Variants in NT5E observed in about 807,000 individuals in gnomAD.
NT5E encodes 5'-nucleotidase ecto, also known as 5'-nucleotidase.
In NT5E, 53 loss-of-function variants were observed where a neutral mutation model predicts 55.1. That is an observed-to-expected ratio of 0.96 (90% confidence interval 0.77 to 1.21). The LOEUF (loss-of-function observed/expected upper bound fraction) is 1.21, where lower values mean the gene tolerates loss of function less well. Ranked by LOEUF, NT5E falls within the 50% of genes most tolerant of loss-of-function variation. The pLI is 0.00. For synonymous variants in NT5E, 270 were observed against 278.4 expected (o/e 0.97, Z 0.30); for missense variants, 683 against 724.3 (o/e 0.94, Z 0.65).
intron 3 of NT5E, among the ~76,000 whole-genome samples, chr6:85,485,030 G>C (rs1769620787): frequency 6.6e-6 from 1 of 152,220 alleles, no homozygotes; most frequent in South Asian, 2.1e-4. Context: ...TGACTGCTGA[G>C]TTGAGAATGG....
At chr6:85,490,407 T>TGTCCCCCTCATTTC in intron 6 of NT5E, 101 bp from the exon 7 acceptor site, 1 of 1,332,020 alleles carries the variant, frequency 7.5e-7, no homozygotes, top group Non-Finnish European at 1.1e-6. Flanking sequence ...AAGCTTCCCA[T>TGTCCCCCTCATTTC]GTCCCCCTCA....
intron 3 of NT5E, among the ~76,000 whole-genome samples, chr6:85,479,901 G>C (rs1769510964): frequency 6.6e-6 from 1 of 152,106 alleles, no homozygotes; most frequent in Non-Finnish European, 1.5e-5. Context: ...AAGTGAATAG[G>C]AATCCTAGTA....
chr6:85,479,643 A>T (rs1769501898), intron 3 of NT5E, among the ~76,000 whole-genome samples: 1 of 152,202 alleles, frequency 6.6e-6, no homozygotes. Context: ...ATATCAATGT[A>T]TGGTCACAGT....
At chr6:85,453,628 T>C (rs1768933950) in intron 1 of NT5E, among the ~76,000 whole-genome samples, 1 of 152,110 alleles carries the variant, frequency 6.6e-6, no homozygotes, top group Admixed American at 6.5e-5. Context: ...TTTGAGCAGG[T>C]CTCTAGGGTC....
intron 5 of NT5E, among the ~76,000 whole-genome samples, chr6:85,488,505 A>C (rs1026204490): frequency 6.6e-6 from 1 of 152,218 alleles, no homozygotes; most frequent in Non-Finnish European, 1.5e-5. Flanking sequence ...GGCTGTTGGC[A>C]GTGCTTATCC....
At chr6:85,487,220 TA>T in intron 4 of NT5E, 114 bp from the exon 5 acceptor site, 1 of 1,022,816 alleles carries the variant, frequency 9.8e-7, no homozygotes. Flanking sequence ...TGCACACAAA[TA>T]TGGTAAACAA....
Position 85,492,141 on chromosome 6 carries a change from C to T in NT5E, c.1525C>T (p.Gln509Ter). Residue 509 changes from glutamine (Q) to a stop codon, truncating the protein, a stop_gained, in exon 8 of 9, where the codon CAG (glutamine) becomes TAG (stop). Coordinates refer to ENST00000257770, the MANE Select transcript of NT5E (RefSeq NM_002526.4). LOFTEE classifies it high-confidence loss of function. ...CCTGGCCAATGGTGGAGATGGGTTC[C>T]AGATGATAAAAGATGAATTATTAAG... ...NFLANGGDGF[Q>*]MIKDELLRHD... is the part of the protein sequence containing the mutation. 6.2e-7 allele frequency: 1 copy of T among 1,614,082 alleles called. No homozygotes were observed. The highest frequency in any genetic ancestry group is 8.5e-7 in the Non-Finnish European group (1 of 1,179,990).
chr6:85,450,401 C>A lies in NT5E; in HGVS notation c.262C>A (p.Gln88Lys). The change falls in exon 1 of 9, where the codon CAG (glutamine) becomes AAG (lysine). Residue 88 changes from glutamine to lysine, a missense_variant. Transcript: ENST00000257770. The surrounding 1 kb of genome is among the most constrained non-coding windows in gnomAD (Gnocchi z 4.0). ...VLLLDAGDQY[Q>K]GTIWFTVYKG... ...GCTGCTGGACGCCGGCGACCAGTAC[C>A]AGGGCACTATCTGGTTCACCGTGTA... 1 of 1,602,540 alleles carries A rather than the reference C, an allele frequency of 6.2e-7. No individual in the cohort carries two copies. The highest frequency in any genetic ancestry group is 1.7e-5 in the Admixed American group (1 of 58,246).
chr6:85,483,471 T>C (rs1054247809), intron 3 of NT5E, among the ~76,000 whole-genome samples: 3 of 152,252 alleles, frequency 2.0e-5, no homozygotes, highest in African/African-American at 7.2e-5. Context: ...TATCTGCCAC[T>C]GTCACAGACA....
At chr6:85,463,600 C>G (rs575368230) in intron 1 of NT5E, among the ~76,000 whole-genome samples, 1 of 152,106 alleles carries the variant, frequency 6.6e-6, no homozygotes, top group African/African-American at 2.4e-5. Context: ...TGTTATGATC[C>G]CCTGTATTTC....
At chr6:85,452,461 T>G (rs1489691482) in intron 1 of NT5E, among the ~76,000 whole-genome samples, 1 of 152,230 alleles carries the variant, frequency 6.6e-6, no homozygotes, top group Non-Finnish European at 1.5e-5. Context: ...CTATCTCTTC[T>G]GTGTTTGTTC....
rs1012760517 is a variant in NT5E, at chr6:85,492,312, G to GCAGCA, written c.1561+146_1561+150dup. ...CTCCTGCTTTGCTTGTTGGAAAGCA[G>GCAGCA]CAGCACAGCACAGCAGAGAGGAATA... is the stretch of plus-strand genomic sequence containing the variant. On this transcript the variant is annotated intron_variant, in intron 8 of 8. Transcript: ENST00000257770. 70 of 743,116 alleles carry GCAGCA rather than the reference G, an allele frequency of 9.4e-5. No homozygotes were observed. The African/African-American group carries it at 1.1e-3, about 11-fold the overall frequency. 46.0% of individuals were successfully genotyped at this position (743,116 alleles called of 1,614,324 possible).
chr6:85,489,577 G>T lies in NT5E; in HGVS notation c.1188G>T (p.Ser396=). 3 of 1,613,384 alleles carry T rather than the reference G, an allele frequency of 1.9e-6. No homozygotes were observed. The highest frequency in any genetic ancestry group is 2.5e-6 in the Non-Finnish European group (3 of 1,179,518). ...TTTTAAATGGAGGTGGTATCCGGTC[G>T]CCCATTGATGAACGCAACAATGGTA... is the stretch of plus-strand genomic sequence containing the variant. ...MCILNGGGIR[S]PIDERNNGTI... The change falls in exon 6 of 9, where the codon TCG becomes TCT. Residue 396 remains serine (S), a synonymous_variant. Coordinates refer to ENST00000257770, the MANE Select transcript of NT5E (RefSeq NM_002526.4).
At chr6:85,457,630 C>T (rs750020848) in intron 1 of NT5E, among the ~76,000 whole-genome samples, 6 of 152,076 alleles carry the variant, frequency 3.9e-5, no homozygotes, top group Non-Finnish European at 5.9e-5. Context: ...AGGATGCTCG[C>T]GGGATGTTAC....
chr6:85,485,169 G>A (rs911806775), intron 3 of NT5E, 66 bp from the exon 4 acceptor site: 125 of 1,495,408 alleles, frequency 8.4e-5, no homozygotes, highest in African/African-American at 6.9e-4. Context: ...CCAGTAGCCC[G>A]CTGGCCTACA....
At chr6:85,479,773 T>C (rs1425092543) in intron 3 of NT5E, among the ~76,000 whole-genome samples, 1 of 152,214 alleles carries the variant, frequency 6.6e-6, no homozygotes, top group African/African-American at 2.4e-5. Context: ...CCCCATTCTT[T>C]TGGCCACTGC....
intron 3 of NT5E, among the ~76,000 whole-genome samples, chr6:85,482,635 T>C (rs917961354): frequency 2.6e-5 from 4 of 152,104 alleles, no homozygotes; most frequent in East Asian, 1.9e-4. Flanking sequence ...CACAGCCCCA[T>C]TGGGTTTGGT....
At chr6:85,489,442 C>A in intron 5 of NT5E, 52 bp from the exon 6 acceptor site, 2 of 1,296,898 alleles carry the variant, frequency 1.5e-6, no homozygotes, top group Non-Finnish European at 2.2e-6. Flanking sequence ...TGGAGCTGAT[C>A]CTAAGGAAGA....
chr6:85,485,213 A>G, intron 3 of NT5E, 22 bp from the exon 4 acceptor site: 1 of 1,613,430 alleles, frequency 6.2e-7, no homozygotes, highest in Non-Finnish European at 8.5e-7. Flanking sequence ...TGACTTGATC[A>G]GCTGTGGCTC....
Sources: allele counts gnomAD v4.1 joint callset (sites outside exome capture counted in the v4.1 genomes callset), GRCh38; gene constraint gnomAD v4.1.1; non-coding constraint Gnocchi (gnomAD v3.1); transcripts MANE v1.5; gene names NCBI Gene and HGNC (gene_info 2026-07-23, HGNC 2026-07-21).